The following RETREG3 variants were observed in gnomAD, a reference collection of about 807,000 sequenced individuals.
RETREG3 encodes the protein reticulophagy regulator 3.
A neutral mutation model predicts 50.2 loss-of-function variants in RETREG3; 23 were observed. The ratio of observed to expected loss-of-function variants is 0.46; its 90% confidence interval spans 0.33 to 0.65. The LOEUF (loss-of-function observed/expected upper bound fraction) is 0.65. Among genes scored for constraint, RETREG3 ranks in the 30% least tolerant of loss-of-function variants. The pLI is 0.02. For missense variants in RETREG3, 546 were observed against 598.0 expected (o/e 0.91, Z 0.91); for synonymous variants, 240 against 234.4 (o/e 1.02, Z -0.22).
chr17:42,594,364 T>C (rs893043911), intron 1 of RETREG3, among the ~76,000 whole-genome samples: 1 of 152,128 alleles, frequency 6.6e-6, no homozygotes, highest in Non-Finnish European at 1.5e-5. Context: ...AAAACCAGCC[T>C]GGACAACATG....
intron 1 of RETREG3, among the ~76,000 whole-genome samples, chr17:42,607,738 G>A (rs1213833668): frequency 2.6e-5 from 4 of 151,480 alleles, no homozygotes; most frequent in Non-Finnish European, 5.9e-5. Flanking sequence ...TCTGGGAGGC[G>A]GAGGTTGCAG....
Position 42,582,005 on chromosome 17 carries a change from C to G in RETREG3, c.1209G>C (p.Gln403His). ...LTSNLASLVS[Q>H]GMIQLALSGA... ...CTGACAAGGCCAGCTGAATCATACC[C>G]TGGGAGACCAGGCTGGCAAGGTTGC... Residue 403 changes from glutamine (Q) to histidine (H), a missense_variant, in exon 9 of 9, where the codon CAG (glutamine) becomes CAC (histidine). Coordinates refer to ENST00000309428, the MANE Select transcript of RETREG3 (RefSeq NM_178126.4). 6.2e-7 allele frequency: 1 copy of G among 1,614,164 alleles called. No individual in the cohort carries two copies. The highest frequency in any genetic ancestry group is 2.2e-5 in the East Asian group (1 of 44,862).
In RETREG3 at chr17:42,581,267, C is replaced by G. The variant is rs1341014564; in HGVS notation, c.*546G>C. 1.3e-5 allele frequency: 2 copies of G among 152,188 alleles called. No individual in the cohort carries two copies. Among genetic ancestry groups the G allele is most frequent in the African/African-American group, 4.8e-5 (2 of 41,336 alleles). 9.4% of individuals were successfully genotyped at this position (152,188 alleles called of 1,614,324 possible). On this transcript the variant is annotated 3_prime_UTR_variant, in exon 9 of 9. Transcript: ENST00000309428. ...ACCTGTAATCCCACTACTAAGGAGG[C>G]TGAGGCAGGAGAACCTCTTCAACCT...
At chr17:42,606,935 T>C (rs899649065) in intron 1 of RETREG3, among the ~76,000 whole-genome samples, 21 of 151,874 alleles carry the variant, frequency 1.4e-4, no homozygotes, top group African/African-American at 5.1e-4. Context: ...AGGAGGAGGT[T>C]GTAGTGAGCT....
At chr17:42,596,359 CAAAAAAAAAAAAA>C (rs60457978) in intron 1 of RETREG3, among the ~76,000 whole-genome samples, 64 of 64,696 alleles carry the variant, frequency 9.9e-4, no homozygotes, top group East Asian at 2.1e-3. Context: ...GACCCTTTCT[CAAAAAAAAAAAAA>C]AAAAAAAAAA....
chr17:42,592,307 G>C (rs761515242), intron 1 of RETREG3, 145 bp from the exon 2 acceptor site: 4 of 606,562 alleles, frequency 6.6e-6, no homozygotes, highest in Non-Finnish European at 8.6e-6. Context: ...TATACACCTA[G>C]GGTAAATCAT....
At chr17:42,605,197 C>T (rs537935674) in intron 1 of RETREG3, 6 of 148,428 alleles carry the variant, frequency 4.0e-5, no homozygotes, top group South Asian at 2.1e-4. Flanking sequence ...TTCACAGTTA[C>T]GGCAAAATAT....
intron 1 of RETREG3, among the ~76,000 whole-genome samples, chr17:42,595,064 GAAGCGATTC>G (rs2093141391): frequency 7.3e-6 from 1 of 137,482 alleles, no homozygotes; most frequent in Non-Finnish European, 1.5e-5. Context: ...CCTTCTGGTT[GAAGCGATTC>G]TCCTGCCTCA....
At position 42,580,426 on chromosome 17, in the gene RETREG3, T is replaced by C. The variant is rs1295388176; in HGVS notation, c.*1387A>G. 6.6e-6 allele frequency: 1 copy of C among 152,536 alleles called. No homozygotes were observed. The highest frequency in any genetic ancestry group is 1.5e-5 in the Non-Finnish European group (1 of 68,022). 9.4% of individuals were successfully genotyped at this position (152,536 alleles called of 1,614,324 possible). On this transcript the variant is annotated 3_prime_UTR_variant, in exon 9 of 9. Transcript: ENST00000309428. ...AGAGGAAGGAACAGGAACATAGAAA[T>C]GAGTATGGTATTGCTTTGCTCACTG...
At chr17:42,584,242 C>G (rs1444644192) in intron 6 of RETREG3, among the ~76,000 whole-genome samples, 2 of 152,150 alleles carry the variant, frequency 1.3e-5, no homozygotes, top group Non-Finnish European at 2.9e-5. Flanking sequence ...AGATGCACAC[C>G]TTGTTAAATC....
Position 42,585,181 on chromosome 17 carries a change from T to A in RETREG3, c.671A>T (p.Gln224Leu), listed in dbSNP as rs1473542781. ...GCCACGGACACTGAAGTCTAGCCGCTGCAGAGCTGGCTTCAGCCGCACATA... is the reference window on the plus strand; with the variant it reads ...GCCACGGACACTGAAGTCTAGCCGCAGCAGAGCTGGCTTCAGCCGCACATA... ...RAYVRLKPAL[Q>L]RLDFSVRGYM... is the part of the protein sequence containing the mutation. Residue 224 changes from glutamine (Q) to leucine (L), a missense_variant, in exon 6 of 9, where the codon CAG becomes CTG. Transcript: ENST00000309428. The A allele has an allele frequency of 6.2e-7, 1 of 1,613,942 alleles. No homozygotes were observed. Among genetic ancestry groups the A allele is most frequent in the Admixed American group, 1.7e-5 (1 of 60,008 alleles).
At chr17:42,599,704 A>G (rs1232087314) in intron 1 of RETREG3, among the ~76,000 whole-genome samples, 1 of 151,502 alleles carries the variant, frequency 6.6e-6, no homozygotes, top group East Asian at 1.9e-4. Context: ...TGTTTATCGA[A>G]AAAAAAGTAC....
intron 1 of RETREG3, among the ~76,000 whole-genome samples, chr17:42,597,519 G>A (rs1324263795): frequency 5.6e-4 from 66 of 117,152 alleles, no homozygotes; most frequent in African/African-American, 1.8e-3. Flanking sequence ...GTGTGTGTGT[G>A]TGTGTATATA....
chr17:42,601,196 G>A (rs975587998), intron 1 of RETREG3, among the ~76,000 whole-genome samples: 3 of 152,130 alleles, frequency 2.0e-5, no homozygotes, highest in Non-Finnish European at 4.4e-5. Flanking sequence ...AGAACTGCTT[G>A]AATCCGGGAG....
At position 42,588,101 on chromosome 17, in the gene RETREG3, G is replaced by C. The variant is rs190536859; in HGVS notation, c.347-237C>G. 2.6e-4 allele frequency among the ~76,000 whole-genome samples: 39 copies of C among 152,284 alleles called. 1 individual carries two copies. The East Asian group carries it at 6.8e-3, about 26-fold the overall frequency. ...GAAGGGAGGTCCAAATGGACTATTT[G>C]AGCCCCCTTCTAATGACCTCAGCTG... On this transcript the variant is annotated intron_variant, in intron 2 of 8. Coordinates refer to ENST00000309428, the MANE Select transcript of RETREG3 (RefSeq NM_178126.4).
chr17:42,581,698 G>T lies in RETREG3; in HGVS notation c.*115C>A. 2.0e-6 allele frequency: 2 copies of T among 979,206 alleles called. No homozygotes were observed. The highest frequency in any genetic ancestry group is 2.9e-6 in the Non-Finnish European group (2 of 684,300). The allele number at this position is 979,206 out of a possible 1,614,324, so 60.7% of individuals were successfully genotyped here. ...CTCTGAGCATCAGCCAGGCCACCCAGCATACAAATATAATTCAGGGGAGGG... is the reference window on the plus strand; with the variant it reads ...CTCTGAGCATCAGCCAGGCCACCCATCATACAAATATAATTCAGGGGAGGG... On this transcript the variant is annotated 3_prime_UTR_variant, in exon 9 of 9. Coordinates refer to ENST00000309428, the MANE Select transcript of RETREG3 (RefSeq NM_178126.4).
chr17:42,587,250 T>G (rs1034763552), intron 3 of RETREG3, among the ~76,000 whole-genome samples: 5 of 152,218 alleles, frequency 3.3e-5, no homozygotes, highest in Admixed American at 2.6e-4. Context: ...ATAGTCTGAC[T>G]GACACCACTG....
At position 42,582,732 on chromosome 17, in the gene RETREG3, T is replaced by C. The variant is rs370216524; in HGVS notation, c.885A>G (p.Thr295=). The change falls in exon 8 of 9, where the codon ACA becomes ACG. Residue 295 remains threonine (T), a synonymous_variant. Transcript: ENST00000309428. ...TTGAAAGATTGAATGTGCCATTGTC[T>C]GTACAGGAGACTTCAGCGTCTGAGT... is the stretch of plus-strand genomic sequence containing the variant. ...SEHSDAEVSC[T]DNGTFNLSRG... 1.2e-6 allele frequency: 2 copies of C among 1,614,250 alleles called. No individual in the cohort carries two copies. The highest frequency in any genetic ancestry group is 1.7e-6 in the Non-Finnish European group (2 of 1,180,036).
intron 3 of RETREG3, 111 bp downstream of exon 3, chr17:42,587,723 G>C (rs2093124000): frequency 7.6e-7 from 1 of 1,319,282 alleles, no homozygotes; most frequent in African/African-American, 1.5e-5. Context: ...GAACAGCCTA[G>C]GTTCTCAGTT....
Sources: allele counts gnomAD v4.1 joint callset (sites outside exome capture counted in the v4.1 genomes callset), GRCh38; gene constraint gnomAD v4.1.1; transcripts MANE v1.5; gene names NCBI Gene and HGNC (gene_info 2026-07-23, HGNC 2026-07-21).